The following GRM1 variants were observed in gnomAD, a reference collection of about 807,000 sequenced individuals.
The protein encoded by GRM1 is glutamate metabotropic receptor 1, also known as metabotropic glutamate receptor 1.
GRM1 carries 33 observed loss-of-function variants against 90.9 expected under a neutral mutation model. The observed-to-expected ratio is 0.36, with a 90% CI of 0.28 to 0.49. The LOEUF is 0.49. GRM1 is among the 20% of genes least tolerant of loss of function. The probability of loss-of-function intolerance (pLI) is 0.99; values close to 1 mark genes in which losing one functional copy is unlikely to be tolerated. For synonymous variants in GRM1, 700 were observed against 613.2 expected, an observed-to-expected ratio of 1.14 and a Z score of -2.09; for missense variants, 1,190 against 1,534.3, an observed-to-expected ratio of 0.78 and a Z score of 3.75.
chr6:146,414,892 C>A (rs1427966605), intron 7 of GRM1, among the ~76,000 whole-genome samples: 2 of 152,176 alleles, frequency 1.3e-5, no homozygotes, highest in Non-Finnish European at 2.9e-5. Flanking sequence ...AGTGCAGAAA[C>A]CTTGCCTATT....
At chr6:146,237,971 A>G (rs539154112) in intron 2 of GRM1, among the ~76,000 whole-genome samples, 1 of 152,286 alleles carries the variant, frequency 6.6e-6, no homozygotes, top group Admixed American at 6.5e-5. Flanking sequence ...ACCTCCAGGT[A>G]TTGGTTGTTG....
intron 2 of GRM1, among the ~76,000 whole-genome samples, chr6:146,186,662 C>A (rs1387633491): frequency 2.0e-5 from 3 of 152,206 alleles, no homozygotes; most frequent in Non-Finnish European, 2.9e-5. Context: ...TGCTTAATTG[C>A]AAAGCCACAG....
chr6:146,223,209 T>A (rs1780130935), intron 2 of GRM1, among the ~76,000 whole-genome samples: 1 of 152,070 alleles, frequency 6.6e-6, no homozygotes, highest in African/African-American at 2.4e-5. Context: ...AAACAAGAAC[T>A]CTTTTTAAGT....
At chr6:146,041,413 A>T (rs1026721470) in intron 1 of GRM1, among the ~76,000 whole-genome samples, 3 of 151,944 alleles carry the variant, frequency 2.0e-5, no homozygotes, top group Non-Finnish European at 4.4e-5. Flanking sequence ...TACAGGTTCT[A>T]TGCTGGTTGC....
At chr6:146,118,118 T>G (rs561313325) in intron 1 of GRM1, among the ~76,000 whole-genome samples, 1 of 150,030 alleles carries the variant, frequency 6.7e-6, no homozygotes, top group Non-Finnish European at 1.5e-5. Context: ...TTATTTATTT[T>G]TTATTCTTTT....
chr6:146,235,491 T>G (rs895600935), intron 2 of GRM1, among the ~76,000 whole-genome samples: 1 of 152,172 alleles, frequency 6.6e-6, no homozygotes, highest in Non-Finnish European at 1.5e-5. Context: ...ATTTCATTTG[T>G]TACTTTATTT....
chr6:146,254,136 A>G (rs557349525), intron 2 of GRM1, among the ~76,000 whole-genome samples: 1 of 152,298 alleles, frequency 6.6e-6, no homozygotes, highest in South Asian at 2.1e-4. Flanking sequence ...ATTGACATGA[A>G]GCCAGAGAAT....
chr6:146,138,286 G>A (rs1468476865), intron 1 of GRM1, among the ~76,000 whole-genome samples: 1 of 152,080 alleles, frequency 6.6e-6, no homozygotes, highest in East Asian at 1.9e-4. Context: ...GATACTAGAT[G>A]TGTGTCAGTT....
chr6:146,030,281 G>T, intron 1 of GRM1, 64 bp downstream of exon 1: 2 of 1,096,322 alleles, frequency 1.8e-6, no homozygotes, highest in Non-Finnish European at 2.8e-6. Context: ...ATGTGCTCCT[G>T]GGATCATAGT....
In GRM1 at chr6:146,399,303, C is replaced by G; in HGVS notation, c.2264C>G (p.Ala755Gly). ...AATACCAGCAACCTGGGTGTGGTGG[C>G]CCCTTTGGGCTACAATGGACTCCTC... ...ICNTSNLGVV[A>G]PLGYNGLLIM... The change falls in exon 7 of 8, where the codon GCC becomes GGC. Residue 755 changes from alanine to glycine, a missense_variant. Transcript: ENST00000282753. The surrounding 1 kb of genome is among the most constrained non-coding windows in gnomAD (Gnocchi z 5.4). 1 of 1,614,124 alleles carries G rather than the reference C, an allele frequency of 6.2e-7. No individual in the cohort carries two copies. The highest frequency in any genetic ancestry group is 8.5e-7 in the Non-Finnish European group (1 of 1,180,014).
chr6:146,260,803 G>GTTTTTTT lies in GRM1; in HGVS notation c.951-43808_951-43807insTTTTTTT, dbSNP rs1248885399. Among the ~76,000 whole-genome samples, 4 of 72,646 alleles carry GTTTTTTT rather than the reference G, an allele frequency of 5.5e-5. 1 individual carries two copies. Among genetic ancestry groups the GTTTTTTT allele is most frequent in the Non-Finnish European group, 5.0e-5 (2 of 39,888 alleles). The allele number at this position is 72,646 out of a possible 152,430, so 47.7% of individuals were successfully genotyped here. ...GCCCATTTTTTAATTAGGTTATTTG[G>GTTTTTTT]GTTTTTTTTTTTTTTTTTTTTTTTT... On this transcript the variant is annotated intron_variant, in intron 2 of 7. Transcript: ENST00000282753.
intron 1 of GRM1, among the ~76,000 whole-genome samples, chr6:146,055,458 T>C (rs1241848846): frequency 6.6e-6 from 1 of 152,146 alleles, no homozygotes; most frequent in Non-Finnish European, 1.5e-5. Context: ...AGAAATTTCA[T>C]CCAAAATCAA....
intron 2 of GRM1, among the ~76,000 whole-genome samples, chr6:146,221,962 T>C (rs1780078129): frequency 6.6e-6 from 1 of 152,118 alleles, no homozygotes; most frequent in Admixed American, 6.6e-5. Context: ...GGTTCTTAGG[T>C]CACAGACCAC....
At chr6:146,149,283 A>G (rs1014680042) in intron 1 of GRM1, among the ~76,000 whole-genome samples, 2 of 152,226 alleles carry the variant, frequency 1.3e-5, no homozygotes, top group Non-Finnish European at 2.9e-5. Flanking sequence ...CAAGTGTGGC[A>G]GAAAGTCATG....
Position 146,033,209 on chromosome 6 carries a change from T to C in GRM1, c.700+2992T>C, listed in dbSNP as rs566950521. Among the ~76,000 whole-genome samples, 13 of 152,216 alleles carry C rather than the reference T, an allele frequency of 8.5e-5. No individual in the cohort carries two copies. The South Asian group carries it at 2.7e-3, about 32-fold the overall frequency. On this transcript the variant is annotated intron_variant, in intron 1 of 7. Transcript: ENST00000282753. ...GCAGGATATTGGAGTAATGGAGCCTTATCCACAAATAAAGTTTGAATGCAC... is the reference window on the plus strand; with the variant it reads ...GCAGGATATTGGAGTAATGGAGCCTCATCCACAAATAAAGTTTGAATGCAC...
chr6:146,249,122 C>A (rs1781181031), intron 2 of GRM1, among the ~76,000 whole-genome samples: 1 of 152,192 alleles, frequency 6.6e-6, no homozygotes, highest in South Asian at 2.1e-4. Flanking sequence ...GAGAAGGAAG[C>A]AGAGCATAAA....
chr6:146,273,208 G>A (rs1782234096), intron 2 of GRM1, among the ~76,000 whole-genome samples: 1 of 152,108 alleles, frequency 6.6e-6, no homozygotes, highest in African/African-American at 2.4e-5. Context: ...TTTGGTAAAT[G>A]TGTTCTGATA....
chr6:146,168,410 AT>A (rs1777986998), intron 2 of GRM1, among the ~76,000 whole-genome samples: 1 of 151,896 alleles, frequency 6.6e-6, no homozygotes, highest in Non-Finnish European at 1.5e-5. Flanking sequence ...TATTGTTATT[AT>A]GTATTTTATT....
chr6:146,088,551 G>A (rs1230233132), intron 1 of GRM1, among the ~76,000 whole-genome samples: 3 of 152,100 alleles, frequency 2.0e-5, no homozygotes, highest in Non-Finnish European at 2.9e-5. Flanking sequence ...TGCCAAAGAT[G>A]CTAATGGAAA....
Sources: gnomAD v4.1 joint callset for allele counts (sites outside exome capture counted in the v4.1 genomes callset) on GRCh38, gnomAD v4.1.1 for gene constraint, Gnocchi (gnomAD v3.1) non-coding constraint, MANE v1.5 for transcripts, NCBI Gene and HGNC (gene_info 2026-07-23, HGNC 2026-07-21) for gene names.